ETV6: variants seen among roughly 807,000 people sequenced by gnomAD.
The protein encoded by ETV6 is ETS variant transcription factor 6.
In ETV6, 16 loss-of-function variants were observed where a neutral mutation model predicts 51.1. The observed-to-expected ratio is 0.31, with a 90% CI of 0.21 to 0.48. The LOEUF is 0.48. ETV6 is among the 20% of genes least tolerant of loss of function. The pLI, the probability that ETV6 is intolerant of heterozygous loss-of-function variation, is 0.99. For synonymous variants in ETV6, 240 were observed against 224.1 expected (o/e 1.07, Z -0.64); for missense variants, 458 against 594.8 (o/e 0.77, Z 2.39).
intron 1 of ETV6, among the ~76,000 whole-genome samples, chr12:11,705,904 AGAAAT>A (rs1865065178): frequency 6.6e-6 from 1 of 152,228 alleles, no homozygotes; most frequent in Admixed American, 6.5e-5. Context: ...GGAGGCACAG[AGAAAT>A]GAAAGCAGGA....
At chr12:11,745,558 C>T (rs895396265) in intron 1 of ETV6, among the ~76,000 whole-genome samples, 2 of 152,200 alleles carry the variant, frequency 1.3e-5, no homozygotes, top group Non-Finnish European at 2.9e-5. Context: ...ATCCATTCCC[C>T]TCTTGGGAAT....
At chr12:11,759,631 T>C (rs1362893341) in intron 2 of ETV6, among the ~76,000 whole-genome samples, 1 of 152,242 alleles carries the variant, frequency 6.6e-6, no homozygotes, top group Admixed American at 6.5e-5. Flanking sequence ...TCTTGGATTT[T>C]CCCAACCCTC....
At chr12:11,675,361 T>G (rs1864403531) in intron 1 of ETV6, among the ~76,000 whole-genome samples, 1 of 152,260 alleles carries the variant, frequency 6.6e-6, no homozygotes, top group Non-Finnish European at 1.5e-5. Flanking sequence ...TATTTTAAAG[T>G]ATTACCTATC....
At chr12:11,783,967 C>T (rs1945446130) in intron 2 of ETV6, among the ~76,000 whole-genome samples, 1 of 152,178 alleles carries the variant, frequency 6.6e-6, no homozygotes, top group African/African-American at 2.4e-5. Context: ...GTGGCATCGC[C>T]TCCCAGTGGG....
chr12:11,794,071 C>T (rs902960295), intron 2 of ETV6, among the ~76,000 whole-genome samples: 10 of 152,050 alleles, frequency 6.6e-5, no homozygotes, highest in African/African-American at 2.4e-4. Context: ...TAAATATAGC[C>T]CACAGCACTG....
At chr12:11,663,583 T>C (rs547257094) in intron 1 of ETV6, among the ~76,000 whole-genome samples, 1 of 152,320 alleles carries the variant, frequency 6.6e-6, no homozygotes, top group South Asian at 2.1e-4. Flanking sequence ...ATGTAAAATA[T>C]ATCTCCTTGG....
rs562515135 is a variant in ETV6, at chr12:11,829,419, C to T, written c.164-9721C>T. ...TGGAGAAACAGATTCAGACGCGTAA[C>T]TAACCCAGCGCTAGTAAGTGGTGCA... On this transcript the variant is annotated intron_variant, in intron 2 of 7. Coordinates refer to ENST00000396373, the MANE Select transcript of ETV6 (RefSeq NM_001987.5). Among the ~76,000 whole-genome samples the T allele has an allele frequency of 7.9e-5, 12 of 152,346 alleles. No individual in the cohort carries two copies. In the East Asian group the frequency reaches 2.3e-3, roughly 29 times the overall value.
intron 1 of ETV6, among the ~76,000 whole-genome samples, chr12:11,654,601 G>A (rs975301845): frequency 7.9e-6 from 1 of 126,692 alleles, no homozygotes; most frequent in African/African-American, 2.5e-5. Context: ...GTATGTGGGG[G>A]TAGAAATGGG....
chr12:11,656,566 G>A (rs1460886940), intron 1 of ETV6, among the ~76,000 whole-genome samples: 1 of 152,244 alleles, frequency 6.6e-6, no homozygotes, highest in African/African-American at 2.4e-5. Context: ...TGGAATGAAT[G>A]TCTAAGTTTT....
At chr12:11,725,933 T>C (rs991649894) in intron 1 of ETV6, among the ~76,000 whole-genome samples, 5 of 152,176 alleles carry the variant, frequency 3.3e-5, no homozygotes, top group African/African-American at 1.2e-4. Context: ...GTAAGCCAAA[T>C]GAACCTCTTT....
chr12:11,650,209 C>T (rs776103335), intron 1 of ETV6, 49 bp downstream of exon 1: 8 of 1,533,970 alleles, frequency 5.2e-6, no homozygotes, highest in Non-Finnish European at 7.2e-6. Flanking sequence ...CTGAGCTGCA[C>T]CGGCCAGGGC....
intron 2 of ETV6, among the ~76,000 whole-genome samples, chr12:11,834,252 G>C (rs1231495613): frequency 1.3e-5 from 2 of 152,184 alleles, no homozygotes; most frequent in African/African-American, 4.8e-5. Context: ...TGGGATGTTG[G>C]GAAAAGTCAG....
chr12:11,780,306 A>C lies in ETV6; in HGVS notation c.163+27727A>C, dbSNP rs995484830. ...AAGAAAATTTGGGGTTTATATTAGA[A>C]TAGGTTTTAGGTTCAGTAGCCTGTA... On this transcript the variant is annotated intron_variant, in intron 2 of 7. Transcript: ENST00000396373. Among the ~76,000 whole-genome samples the C allele has an allele frequency of 2.0e-5, 3 of 152,194 alleles. No individual in the cohort carries two copies. The South Asian group carries it at 6.2e-4, about 31-fold the overall frequency.
At chr12:11,728,254 A>C (rs1339335682) in intron 1 of ETV6, among the ~76,000 whole-genome samples, 1 of 152,192 alleles carries the variant, frequency 6.6e-6, no homozygotes, top group Non-Finnish European at 1.5e-5. Flanking sequence ...TGGATTATGC[A>C]GTGACAAGCA....
chr12:11,865,391 A>G (rs1254070661), intron 4 of ETV6, among the ~76,000 whole-genome samples: 1 of 151,874 alleles, frequency 6.6e-6, no homozygotes. Context: ...TTTGCCAACC[A>G]TCTCATAAAT....
intron 1 of ETV6, among the ~76,000 whole-genome samples, chr12:11,736,942 C>G (rs937207187): frequency 3.9e-5 from 6 of 152,172 alleles, no homozygotes; most frequent in African/African-American, 1.4e-4. Context: ...AGTGCAAGCT[C>G]TGTTCTAGTT....
chr12:11,884,067 T>C (rs929071815), intron 5 of ETV6, among the ~76,000 whole-genome samples: 13 of 152,220 alleles, frequency 8.5e-5, no homozygotes, highest in Non-Finnish European at 1.8e-4. Context: ...CACCCTTTTT[T>C]CCTTCCAGCC....
intron 1 of ETV6, among the ~76,000 whole-genome samples, chr12:11,741,851 C>T (rs1204669035): frequency 6.6e-6 from 1 of 152,212 alleles, no homozygotes; most frequent in Non-Finnish European, 1.5e-5. Context: ...TGATTTAAGA[C>T]AGTGATTCGC....
chr12:11,651,230 A>G (rs1863900013), intron 1 of ETV6, among the ~76,000 whole-genome samples: 2 of 152,352 alleles, frequency 1.3e-5, no homozygotes, highest in Non-Finnish European at 2.9e-5. Flanking sequence ...GGTTTGGCCT[A>G]TTTAATGTGT....
Sources: allele counts gnomAD v4.1 joint callset (sites outside exome capture counted in the v4.1 genomes callset), GRCh38; gene constraint gnomAD v4.1.1; transcripts MANE v1.5; gene names NCBI Gene and HGNC (gene_info 2026-07-23, HGNC 2026-07-21).